The following RBFOX1 variants were observed in gnomAD, a reference collection of about 807,000 sequenced individuals.
RBFOX1 encodes the protein RNA binding protein fox-1 homolog 1.
RBFOX1 carries 8 observed loss-of-function variants against 57.7 expected under a neutral mutation model. That is an observed-to-expected ratio of 0.14 (90% CI 0.08 to 0.25). The LOEUF is 0.25. Ranked by LOEUF, RBFOX1 falls within the 10% of genes least tolerant of loss-of-function variation. The pLI is 1.00. For synonymous variants in RBFOX1, 326 were observed against 222.4 expected (o/e 1.47, Z -4.15); for missense variants, 611 against 548.5 (o/e 1.11, Z -1.14).
intron 14 of RBFOX1, among the ~76,000 whole-genome samples, chr16:7,701,061 C>T (rs748296448): frequency 3.9e-5 from 6 of 152,096 alleles, no homozygotes; most frequent in Non-Finnish European, 7.4e-5. Flanking sequence ...TCCTACTTCT[C>T]AGGGGAGGCA....
rs200939876 is a variant in RBFOX1 at position 7,238,337 on chromosome 16, AT to A, written c.27+186240del. Among the ~76,000 whole-genome samples, 1,046 of 133,238 alleles carry A rather than the reference AT, an allele frequency of 7.9e-3. 9 individuals are homozygous for A. Among genetic ancestry groups the A allele is most frequent in the Middle Eastern group, 0.036 (10 of 280 alleles). The allele number at this position is 133,238 out of a possible 152,430, so 87.4% of individuals were successfully genotyped here. ...GCAGACTTAAAATGGTAAAAAAAAA[AT>A]AAATAAATAAAATAAAAATTAAAAG... On this transcript the variant is annotated intron_variant, in intron 4 of 15. Coordinates refer to ENST00000550418, the MANE Select transcript of RBFOX1 (RefSeq NM_018723.4).
At chr16:5,735,369 A>G (rs763995249) in intron 3 of RBFOX1, among the ~76,000 whole-genome samples, 8 of 152,174 alleles carry the variant, frequency 5.3e-5, no homozygotes, top group Non-Finnish European at 7.3e-5. Context: ...TCTCAATCAC[A>G]TCTGAATTCC....
At chr16:7,515,691 G>A (rs978146293) in intron 4 of RBFOX1, among the ~76,000 whole-genome samples, 2 of 152,200 alleles carry the variant, frequency 1.3e-5, no homozygotes, top group South Asian at 2.1e-4. Context: ...AACAGGGATG[G>A]TGCTGACTGC....
intron 3 of RBFOX1, among the ~76,000 whole-genome samples, chr16:6,787,385 T>G (rs1451955155): frequency 2.0e-5 from 3 of 152,168 alleles, no homozygotes; most frequent in African/African-American, 7.2e-5. Flanking sequence ...AACGGTGAAA[T>G]GATTAACATC....
At chr16:5,890,875 A>G (rs1021388128) in intron 4 of RBFOX1, among the ~76,000 whole-genome samples, 6 of 152,150 alleles carry the variant, frequency 3.9e-5, no homozygotes, top group Admixed American at 1.3e-4. Context: ...GAAATGGAAT[A>G]CGGTCAAACA....
intron 10 of RBFOX1, among the ~76,000 whole-genome samples, chr16:7,628,344 C>G (rs945850592): frequency 2.0e-5 from 3 of 152,054 alleles, no homozygotes; most frequent in Non-Finnish European, 4.4e-5. Flanking sequence ...GAAACACATT[C>G]ATTTATTTCT....
intron 4 of RBFOX1, among the ~76,000 whole-genome samples, chr16:5,870,463 G>T (rs75169083): frequency 0.057 from 8,587 of 151,612 alleles, 296 homozygotes; most frequent in Admixed American, 0.093. Flanking sequence ...GTGGGGGAAT[G>T]GTCAGATGGT....
chr16:7,048,548 C>T lies in RBFOX1; in HGVS notation c.-15-3509C>T, dbSNP rs140365246. On this transcript the variant is annotated intron_variant, in intron 3 of 15. Transcript: ENST00000550418. Reference sequence around the variant, plus strand: ...TGCTGGGATTACAGGCGTGAGCCACCGCGCCCAGCTCCTTTTGGTTCTTTA... The same window carrying T: ...TGCTGGGATTACAGGCGTGAGCCACTGCGCCCAGCTCCTTTTGGTTCTTTA... Among the ~76,000 whole-genome samples, 202 of 152,290 alleles carry T rather than the reference C, an allele frequency of 1.3e-3. 1 individual carries two copies. Among genetic ancestry groups the T allele is most frequent in the African/African-American group, 4.6e-3 (191 of 41,570 alleles).
Position 5,285,511 on chromosome 16 carries a change from T to G in RBFOX1, c.219+45406T>G, listed in dbSNP as rs567732016. The stretch of plus-strand genomic sequence containing the variant: ...AATTATTGTGCTTCTTTGGAGGTGT[T>G]ATGTTTCCTTTTTCATATTTCTTGC... On this transcript the variant is annotated intron_variant, in intron 1 of 2. Coordinates refer to the RBFOX1 transcript ENST00000585867. 6.6e-5 allele frequency among the ~76,000 whole-genome samples: 10 copies of G among 152,334 alleles called. No individual in the cohort carries two copies. The South Asian group carries it at 2.1e-3, about 32-fold the overall frequency.
intron 4 of RBFOX1, among the ~76,000 whole-genome samples, chr16:7,144,567 T>G (rs368808024): frequency 6.6e-6 from 1 of 151,756 alleles, no homozygotes; most frequent in Non-Finnish European, 1.5e-5. Context: ...TGGAATTACA[T>G]GCATGAGCTA....
At chr16:6,321,694 G>A (rs1327525854) in intron 2 of RBFOX1, among the ~76,000 whole-genome samples, 3 of 152,164 alleles carry the variant, frequency 2.0e-5, no homozygotes, top group African/African-American at 7.2e-5. Context: ...GCAGATAGAG[G>A]GATGGAAGAA....
At chr16:6,200,037 C>G (rs2097205237) in intron 1 of RBFOX1, among the ~76,000 whole-genome samples, 1 of 152,036 alleles carries the variant, frequency 6.6e-6, no homozygotes, top group Non-Finnish European at 1.5e-5. Flanking sequence ...AGAGATGGCA[C>G]CATTTGGAAG....
chr16:7,342,249 C>G (rs536066869), intron 4 of RBFOX1, among the ~76,000 whole-genome samples: 2 of 152,162 alleles, frequency 1.3e-5, no homozygotes, highest in Admixed American at 6.5e-5. Context: ...ACTCTACTCA[C>G]AAGGCCTTTG....
chr16:7,077,022 T>C (rs1271043099), intron 4 of RBFOX1, among the ~76,000 whole-genome samples: 1 of 152,190 alleles, frequency 6.6e-6, no homozygotes, highest in Non-Finnish European at 1.5e-5. Context: ...ATCCATCTGA[T>C]TTCTTGGAAC....
At chr16:6,757,132 A>G (rs1167136723) in intron 3 of RBFOX1, among the ~76,000 whole-genome samples, 1 of 152,256 alleles carries the variant, frequency 6.6e-6, no homozygotes, top group Non-Finnish European at 1.5e-5. Context: ...GACTATTATC[A>G]AAAAGATAAA....
chr16:5,428,306 T>C (rs1255061919), intron 1 of RBFOX1, among the ~76,000 whole-genome samples: 1 of 152,162 alleles, frequency 6.6e-6, no homozygotes, highest in Non-Finnish European at 1.5e-5. Context: ...GGTTCAAGCA[T>C]CCAGCACAGT....
chr16:7,402,970 C>T (rs1381234766), intron 4 of RBFOX1, among the ~76,000 whole-genome samples: 3 of 152,148 alleles, frequency 2.0e-5, no homozygotes, highest in African/African-American at 2.4e-5. Flanking sequence ...GCAGTTTCTC[C>T]TCCAATCTGA....
At chr16:5,661,188 T>G (rs1228053521) in intron 3 of RBFOX1, among the ~76,000 whole-genome samples, 2 of 152,220 alleles carry the variant, frequency 1.3e-5, no homozygotes, top group Admixed American at 1.3e-4. Flanking sequence ...CCAACTTTAA[T>G]TATTTTCCCA....
intron 4 of RBFOX1, among the ~76,000 whole-genome samples, chr16:7,232,214 G>A (rs1263587268): frequency 6.6e-6 from 1 of 152,046 alleles, no homozygotes; most frequent in East Asian, 1.9e-4. Flanking sequence ...ATGAGAGACG[G>A]GGTTTCACCA....
Sources: gnomAD v4.1 joint callset for allele counts (sites outside exome capture counted in the v4.1 genomes callset) on GRCh38, gnomAD v4.1.1 for gene constraint, MANE v1.5 for transcripts, NCBI Gene and HGNC (gene_info 2026-07-23, HGNC 2026-07-21) for gene names.